The following XYLT1 variants were observed in gnomAD, a reference collection of about 807,000 sequenced individuals.
XYLT1 encodes the protein beta-D-xylosyltransferase 1.
Under a neutral mutation model 91.3 loss-of-function variants are expected in XYLT1, and 36 were observed. That is an observed-to-expected ratio of 0.39 (90% confidence interval 0.30 to 0.52). The LOEUF is 0.52. Among genes scored for constraint, XYLT1 ranks in the 20% least tolerant of loss-of-function variants. The pLI, the probability that XYLT1 is intolerant of heterozygous loss-of-function variation, is 0.68. For missense variants in XYLT1, 1,242 were observed against 1,284.5 expected, an observed-to-expected ratio of 0.97 and a Z score of 0.51; for synonymous variants, 588 against 532.0, an observed-to-expected ratio of 1.11 and a Z score of -1.45.
At chr16:17,167,544 A>T (rs184211194) in intron 5 of XYLT1, among the ~76,000 whole-genome samples, 3 of 148,900 alleles carry the variant, frequency 2.0e-5, no homozygotes, top group Admixed American at 6.6e-5. Flanking sequence ...TCGTGAACGG[A>T]TTCTAACCCA....
At chr16:17,290,619 A>G (rs1365036720) in intron 2 of XYLT1, among the ~76,000 whole-genome samples, 1 of 152,252 alleles carries the variant, frequency 6.6e-6, no homozygotes, top group East Asian at 1.9e-4. Context: ...GCACTTGTAA[A>G]TGTCTGCAAA....
chr16:17,344,144 T>C (rs765673135), intron 2 of XYLT1, among the ~76,000 whole-genome samples: 1 of 152,012 alleles, frequency 6.6e-6, no homozygotes, highest in Non-Finnish European at 1.5e-5. Flanking sequence ...AGTGTGTACA[T>C]GCCAGAGATG....
At chr16:17,282,966 C>CG (rs1555494007) in intron 2 of XYLT1, among the ~76,000 whole-genome samples, 2 of 151,958 alleles carry the variant, frequency 1.3e-5, no homozygotes, top group African/African-American at 2.4e-5. Context: ...AGTCACCCCC[C>CG]CCAAGTCACA....
intron 10 of XYLT1, among the ~76,000 whole-genome samples, chr16:17,124,761 C>T (rs984952559): frequency 1.3e-5 from 2 of 150,924 alleles, no homozygotes; most frequent in African/African-American, 4.9e-5. Context: ...TTAACATACT[C>T]CCAAACTTCG....
At chr16:17,373,637 G>C (rs2035563126) in intron 1 of XYLT1, among the ~76,000 whole-genome samples, 1 of 152,222 alleles carries the variant, frequency 6.6e-6, no homozygotes, top group African/African-American at 2.4e-5. Flanking sequence ...GCCAGGCACT[G>C]ACATATTTTA....
At chr16:17,321,381 G>A (rs1392125680) in intron 2 of XYLT1, among the ~76,000 whole-genome samples, 1 of 69,580 alleles carries the variant, frequency 1.4e-5, no homozygotes, top group African/African-American at 5.5e-5. Flanking sequence ...TTTTTTTGAG[G>A]CAGTCTCACT....
At chr16:17,149,776 A>G (rs1022281077) in intron 6 of XYLT1, among the ~76,000 whole-genome samples, 4 of 152,178 alleles carry the variant, frequency 2.6e-5, no homozygotes, top group Admixed American at 6.5e-5. Flanking sequence ...GTCTTCTACT[A>G]ACCTTAGGCA....
chr16:17,349,540 A>G (rs1407813306), intron 2 of XYLT1, among the ~76,000 whole-genome samples: 1 of 152,006 alleles, frequency 6.6e-6, no homozygotes, highest in African/African-American at 2.4e-5. Flanking sequence ...GGTTAAGGTT[A>G]GTAACTCCCA....
At chr16:17,221,709 A>C (rs1333933425) in intron 3 of XYLT1, among the ~76,000 whole-genome samples, 2 of 152,192 alleles carry the variant, frequency 1.3e-5, no homozygotes, top group Non-Finnish European at 2.9e-5. Context: ...ACTGTACTCT[A>C]ACCTGGGCAA....
chr16:17,138,229 TA>T lies in XYLT1; in HGVS notation c.1764+125del, dbSNP rs952982167. 44 of 2,688 alleles carry T rather than the reference TA, an allele frequency of 0.016. No homozygotes were observed. In the African/African-American group the frequency reaches 0.39, roughly 24 times the overall value. The allele number at this position is 2,688 out of a possible 1,614,324, so 0.2% of individuals were successfully genotyped here. A position where few individuals can be genotyped will look rare whatever the true frequency, so the allele number is the denominator to read the frequency against. ...TATTGTTGATACTGTTAACTATTAT[TA>T]ATTATCAACAGCCAGGTTTGGGCAC... On this transcript the variant is annotated intron_variant, in intron 8 of 11. Coordinates refer to ENST00000261381, the MANE Select transcript of XYLT1 (RefSeq NM_022166.4).
intron 1 of XYLT1, among the ~76,000 whole-genome samples, chr16:17,440,381 G>A (rs533635825): frequency 1.3e-5 from 2 of 152,282 alleles, no homozygotes; most frequent in African/African-American, 2.4e-5. Context: ...AACAATAAGT[G>A]GTAAGTATCA....
intron 2 of XYLT1, among the ~76,000 whole-genome samples, chr16:17,297,941 A>T (rs2034337099): frequency 6.6e-6 from 1 of 152,074 alleles, no homozygotes; most frequent in African/African-American, 2.4e-5. Context: ...GAATGGCGTG[A>T]ACCCGGGAGG....
chr16:17,415,011 G>A (rs1053125651), intron 1 of XYLT1, among the ~76,000 whole-genome samples: 12 of 152,084 alleles, frequency 7.9e-5, no homozygotes, highest in East Asian at 3.9e-4. Flanking sequence ...AGCACTTCCC[G>A]CGTGTCTGAC....
At chr16:17,327,405 C>G (rs1322169917) in intron 2 of XYLT1, among the ~76,000 whole-genome samples, 1 of 144,490 alleles carries the variant, frequency 6.9e-6, no homozygotes, top group African/African-American at 2.6e-5. Context: ...CTCTGTTTCC[C>G]AGGCTGGAGT....
intron 6 of XYLT1, among the ~76,000 whole-genome samples, chr16:17,144,861 G>A (rs755439934): frequency 2.0e-5 from 3 of 152,208 alleles, no homozygotes; most frequent in Non-Finnish European, 2.9e-5. Flanking sequence ...ACTGGAGGGG[G>A]ATCAGGGGCT....
At chr16:17,332,581 C>T (rs865924217) in intron 2 of XYLT1, among the ~76,000 whole-genome samples, 252 of 150,616 alleles carry the variant, frequency 1.7e-3, no homozygotes, top group Non-Finnish European at 1.9e-3. Context: ...CACACACACA[C>T]ACACACACAC....
At chr16:17,307,951 A>T (rs2034491687) in intron 2 of XYLT1, among the ~76,000 whole-genome samples, 1 of 152,204 alleles carries the variant, frequency 6.6e-6, no homozygotes, top group African/African-American at 2.4e-5. Flanking sequence ...TCTCAAAAAT[A>T]GTCAGAGAGA....
At chr16:17,267,623 A>T (rs1364362557) in intron 2 of XYLT1, among the ~76,000 whole-genome samples, 1 of 152,128 alleles carries the variant, frequency 6.6e-6, no homozygotes, top group Admixed American at 6.5e-5. Flanking sequence ...GTTAGCCAGG[A>T]TGGTCTCAAT....
At chr16:17,344,270 C>T (rs1265180781) in intron 2 of XYLT1, among the ~76,000 whole-genome samples, 15 of 149,460 alleles carry the variant, frequency 1.0e-4, no homozygotes, top group Non-Finnish European at 1.6e-4. Context: ...ATCACGAGGT[C>T]AGGAGATTGA....
Sources: allele counts gnomAD v4.1 joint callset (sites outside exome capture counted in the v4.1 genomes callset), GRCh38; gene constraint gnomAD v4.1.1; transcripts MANE v1.5; gene names NCBI Gene and HGNC (gene_info 2026-07-23, HGNC 2026-07-21).